The following PCM1 variants were observed in gnomAD, a reference collection of about 807,000 sequenced individuals.
PCM1 encodes pericentriolar material 1 protein.
A neutral mutation model predicts 241.9 loss-of-function variants in PCM1; 157 were observed. The ratio of observed to expected loss-of-function variants is 0.65; its 90% CI spans 0.57 to 0.74. The LOEUF is 0.74. Ranked by LOEUF, PCM1 falls within the 30% of genes least tolerant of loss-of-function variation. The probability of loss-of-function intolerance (pLI) is 0.00; values close to 1 mark genes in which losing one functional copy is unlikely to be tolerated. For synonymous variants in PCM1, 1,085 were observed against 784.9 expected (o/e 1.38, Z -6.39); for missense variants, 3,478 against 2,360.1 (o/e 1.47, Z -9.81).
chr8:18,011,298 A>AAAATGTAAGATCTGAT lies in PCM1; in HGVS notation c.5284_5299dup (p.Ile1767LysfsTer5). 4 of 1,608,216 alleles carry AAAATGTAAGATCTGAT rather than the reference A, an allele frequency of 2.5e-6. No homozygotes were observed. The highest frequency in any genetic ancestry group is 3.4e-6 in the Non-Finnish European group (4 of 1,177,266). On this transcript the variant is annotated frameshift_variant, in exon 33 of 39. Coordinates refer to ENST00000325083, the MANE Select transcript of PCM1 (RefSeq NM_006197.4). LOFTEE classifies it high-confidence loss of function. Reference sequence around the variant, plus strand: ...ACATCTGAGGTGTATGATGGTCCCAAAAATGTAAGATCTGATATTTCTGAT... The same window carrying AAAATGTAAGATCTGAT: ...ACATCTGAGGTGTATGATGGTCCCAAAAATGTAAGATCTGATAAATGTAAGATCTGATATTTCTGAT...
chr8:18,020,237 A>G (rs1368342657), intron 36 of PCM1, among the ~76,000 whole-genome samples: 3 of 152,206 alleles, frequency 2.0e-5, no homozygotes, highest in Non-Finnish European at 4.4e-5. Flanking sequence ...ATTGCTTATT[A>G]TACGTTACAG....
chr8:18,025,683 G>A (rs2094139656), intron 38 of PCM1, 25 bp downstream of exon 38: 19 of 1,299,642 alleles, frequency 1.5e-5, no homozygotes, highest in Non-Finnish European at 1.9e-5. Flanking sequence ...TTTAAATCTT[G>A]CCATATTGAA....
Position 18,005,357 on chromosome 8 carries a change from G to GTT in PCM1, c.4828-892_4828-891dup, listed in dbSNP as rs57492553. On this transcript the variant is annotated intron_variant, in intron 29 of 38. Coordinates refer to ENST00000325083, the MANE Select transcript of PCM1 (RefSeq NM_006197.4). ...CAGGGACAGTTGTGTTGTTGTTGTT[G>GTT]TTTTTTTTTTTTTTTAAATCGCCTG... Among the ~76,000 whole-genome samples, 531 of 141,256 alleles carry GTT rather than the reference G, an allele frequency of 3.8e-3. 1 individual carries two copies. The highest frequency in any genetic ancestry group is 8.1e-3 in the African/African-American group (316 of 38,814). 92.7% of individuals were successfully genotyped at this position (141,256 alleles called of 152,430 possible).
intron 36 of PCM1, among the ~76,000 whole-genome samples, chr8:18,020,688 C>T (rs941631481): frequency 1.3e-5 from 2 of 152,176 alleles, no homozygotes; most frequent in Non-Finnish European, 2.9e-5. Flanking sequence ...TCAGTATGAA[C>T]TAATAGAAAA....
At position 17,947,186 on chromosome 8, in the gene PCM1, G is replaced by A. The variant is rs140481840; in HGVS notation, c.784G>A (p.Ala262Thr). The change falls in exon 7 of 39, where the codon GCC becomes ACC. Residue 262 changes from alanine (A) to threonine (T), a missense_variant and splice_region_variant. Ala to Thr is a moderately conservative substitution (Grantham distance 58, BLOSUM62 0). Coordinates refer to ENST00000325083, the MANE Select transcript of PCM1 (RefSeq NM_006197.4). The stretch of plus-strand genomic sequence containing the variant: ...AAGTATTGTTGGTCTTATTTTCCAG[G>A]CCAGAGATCCTCAGCAGGAGCCTAT... ...SYMKFLKKILARDPQQEPMEE... is the reference protein window; with the variant it reads ...SYMKFLKKILTRDPQQEPMEE... 601 of 1,581,506 alleles carry A rather than the reference G, an allele frequency of 3.8e-4. 4 individuals carry two copies. In the East Asian group the frequency reaches 0.012, roughly 33 times the overall value.
intron 2 of PCM1, chr8:17,926,642 T>C (rs560396405): frequency 6.6e-6 from 1 of 152,320 alleles, no homozygotes; most frequent in South Asian, 2.1e-4. Flanking sequence ...GTCGACACAG[T>C]ACGCAAGTAG....
intron 2 of PCM1, chr8:17,927,526 A>G (rs1426908540): frequency 6.6e-6 from 1 of 152,108 alleles, no homozygotes; most frequent in Non-Finnish European, 1.5e-5. Flanking sequence ...CTACTGTAAT[A>G]TGTCTCTATA....
intron 36 of PCM1, among the ~76,000 whole-genome samples, chr8:18,023,159 A>G (rs1366405807): frequency 1.3e-5 from 2 of 152,192 alleles, no homozygotes. Context: ...GTATGGCAAC[A>G]AAATATATAA....
chr8:18,015,559 T>G (rs1171054866), intron 36 of PCM1: 3 of 152,120 alleles, frequency 2.0e-5, no homozygotes, highest in African/African-American at 7.2e-5. Flanking sequence ...AAGCAAATAA[T>G]TTATTTTACT....
In PCM1 at chr8:17,938,931, T is replaced by A; in HGVS notation, c.534T>A (p.Ala178=). 6.2e-7 allele frequency: 1 copy of A among 1,613,756 alleles called. No individual in the cohort carries two copies. Among genetic ancestry groups the A allele is most frequent in the South Asian group, 1.1e-5 (1 of 91,082 alleles). ...AGTGTAAAGAGTTGTTTGCTTCTGCTTTAAGTAATGACCTCTTGCAAAACT... is the reference window on the plus strand; with the variant it reads ...AGTGTAAAGAGTTGTTTGCTTCTGCATTAAGTAATGACCTCTTGCAAAACT... ...SAQCKELFAS[A]LSNDLLQNCQ... Residue 178 remains alanine, a synonymous_variant, in exon 5 of 39, where the codon GCT becomes GCA. Coordinates refer to ENST00000325083, the MANE Select transcript of PCM1 (RefSeq NM_006197.4).
chr8:17,959,230 C>G (rs1226048607), intron 13 of PCM1, among the ~76,000 whole-genome samples: 3 of 151,834 alleles, frequency 2.0e-5, no homozygotes, highest in Middle Eastern at 3.2e-3. Flanking sequence ...TCCACATTGT[C>G]TCAGAGAACT....
chr8:17,945,123 T>G (rs1484631261), intron 6 of PCM1, among the ~76,000 whole-genome samples: 4 of 152,112 alleles, frequency 2.6e-5, no homozygotes, highest in Non-Finnish European at 5.9e-5. Context: ...TTTGATGAAA[T>G]CATTATAAAA....
intron 24 of PCM1, among the ~76,000 whole-genome samples, chr8:17,981,234 A>C (rs1404770738): frequency 1.3e-5 from 2 of 152,118 alleles, no homozygotes; most frequent in Non-Finnish European, 2.9e-5. Context: ...GTTTTTGTAT[A>C]GCTATCACAT....
intron 23 of PCM1, among the ~76,000 whole-genome samples, chr8:17,977,547 GAT>G (rs2079189369): frequency 4.6e-5 from 7 of 152,174 alleles, no homozygotes; most frequent in Non-Finnish European, 1.0e-4. Context: ...AGCATGGTCA[GAT>G]CTCCATGATT....
intron 6 of PCM1, among the ~76,000 whole-genome samples, chr8:17,943,369 A>C (rs2062803031): frequency 6.6e-6 from 1 of 152,170 alleles, no homozygotes; most frequent in Non-Finnish European, 1.5e-5. Flanking sequence ...AGAGTGAATA[A>C]AGTAGCTGAT....
intron 8 of PCM1, among the ~76,000 whole-genome samples, 157 bp from the exon 9 acceptor site, chr8:17,952,813 T>C (rs9942810): frequency 0.02 from 3,017 of 152,284 alleles, 111 homozygotes; most frequent in African/African-American, 0.069. Flanking sequence ...GGAAACCGTA[T>C]TTAATTTGGG....
At chr8:17,962,992 A>G (rs778055121) in intron 16 of PCM1, 109 bp from the exon 17 acceptor site, 61 of 691,172 alleles carry the variant, frequency 8.8e-5, no homozygotes, top group Non-Finnish European at 1.4e-4. Context: ...AAAAGGAGAG[A>G]ATGAGAATAG....
chr8:17,946,416 C>G (rs1203125755), intron 6 of PCM1, among the ~76,000 whole-genome samples: 1 of 151,896 alleles, frequency 6.6e-6, no homozygotes, highest in African/African-American at 2.4e-5. Flanking sequence ...AAATTTCAGT[C>G]CTTTGTTAGA....
chr8:18,012,835 C>T (rs2092693884), intron 34 of PCM1, among the ~76,000 whole-genome samples: 1 of 152,066 alleles, frequency 6.6e-6, no homozygotes, highest in Non-Finnish European at 1.5e-5. Flanking sequence ...TTGACTTTAA[C>T]ACTTGTATGA....
Sources: gnomAD v4.1 joint callset for allele counts (sites outside exome capture counted in the v4.1 genomes callset) on GRCh38, gnomAD v4.1.1 for gene constraint, MANE v1.5 for transcripts, NCBI Gene and HGNC (gene_info 2026-07-23, HGNC 2026-07-21) for gene names.